SIDT1: variants seen among roughly 807,000 people sequenced by gnomAD.
The protein encoded by SIDT1 is SID1 transmembrane family, member 1.
SIDT1 carries 101 observed loss-of-function variants against 107.5 expected under a neutral mutation model. The observed-to-expected ratio is 0.94, with a 90% CI of 0.80 to 1.11. The LOEUF (loss-of-function observed/expected upper bound fraction) is 1.11. Among genes scored for constraint, SIDT1 ranks in the 50% least tolerant of loss-of-function variants. SIDT1 has a pLI of 0.00. For synonymous variants in SIDT1, 395 were observed against 398.2 expected (o/e 0.99, Z 0.10); for missense variants, 1,076 against 1,058.2 (o/e 1.02, Z -0.23).
At chr3:113,588,393 A>C (rs1250658117) in intron 9 of SIDT1, among the ~76,000 whole-genome samples, 1 of 152,248 alleles carries the variant, frequency 6.6e-6, no homozygotes, top group Non-Finnish European at 1.5e-5. Flanking sequence ...AGTTTTCTGT[A>C]AAAACCATAT....
chr3:113,622,438 T>C (rs1288713694), intron 21 of SIDT1, among the ~76,000 whole-genome samples: 1 of 119,654 alleles, frequency 8.4e-6, no homozygotes, highest in East Asian at 2.5e-4. Flanking sequence ...CACTCCAGCC[T>C]GGGCAACACA....
chr3:113,553,762 G>C (rs1356545348), intron 1 of SIDT1, among the ~76,000 whole-genome samples: 1 of 152,140 alleles, frequency 6.6e-6, no homozygotes, highest in Non-Finnish European at 1.5e-5. Context: ...AGAAACCAAT[G>C]AAGCCAGGCG....
chr3:113,636,529 A>G, the SIDT1 span, among the ~76,000 whole-genome samples: 2 of 152,242 alleles, frequency 1.3e-5, no homozygotes, highest in African/African-American at 4.8e-5. Context: ...CAAACCAGTA[A>G]GTTCTACACA....
intron 3 of SIDT1, 37 bp downstream of exon 3, chr3:113,567,747 C>T: frequency 6.3e-7 from 1 of 1,599,398 alleles, no homozygotes; most frequent in Non-Finnish European, 8.5e-7. Context: ...GTCTGTGTTT[C>T]CTGTGCTTGT....
At chr3:113,553,481 T>G (rs1340759714) in intron 1 of SIDT1, among the ~76,000 whole-genome samples, 2 of 152,138 alleles carry the variant, frequency 1.3e-5, no homozygotes, top group African/African-American at 4.8e-5. Flanking sequence ...TTGCCTGCAA[T>G]GTATAGAAAT....
chr3:113,567,971 T>C (rs911245484), intron 3 of SIDT1: 2 of 364,092 alleles, frequency 5.5e-6, no homozygotes, highest in African/African-American at 4.2e-5. Context: ...CTGTCCAGCC[T>C]GAAGTATAGG....
rs767228919 is a variant in SIDT1, at chr3:113,576,941, T to C, written c.535T>C (p.Phe179Leu). Reference sequence around the variant, plus strand: ...TCTCAGGACAAATGTTGCCTTTCACTTTACTGCCAGCCCCTCTCAACCTCA... The same window carrying C: ...TCTCAGGACAAATGTTGCCTTTCACCTTACTGCCAGCCCCTCTCAACCTCA... Reference protein sequence around the residue: ...FQLRTNVAFHFTASPSQPQYF... With the variant: ...FQLRTNVAFHLTASPSQPQYF... Residue 179 changes from phenylalanine to leucine, a missense_variant, in exon 4 of 25, where the codon TTT (phenylalanine) becomes CTT (leucine). Phe to Leu is a conservative substitution (Grantham distance 22). Transcript: ENST00000264852. 1.2e-6 allele frequency: 2 copies of C among 1,614,104 alleles called. No individual in the cohort carries two copies. Among genetic ancestry groups the C allele is most frequent in the South Asian group, 2.2e-5 (2 of 91,090 alleles).
intron 1 of SIDT1, among the ~76,000 whole-genome samples, chr3:113,548,261 G>A (rs1382762579): frequency 6.6e-6 from 1 of 151,770 alleles, no homozygotes; most frequent in Non-Finnish European, 1.5e-5. Flanking sequence ...TTTACATTGG[G>A]GTTCACTCTT....
In SIDT1 at chr3:113,532,913, C is replaced by A; in HGVS notation, c.-109C>A. 1.4e-6 allele frequency: 1 copy of A among 732,130 alleles called. No individual in the cohort carries two copies. Among genetic ancestry groups the A allele is most frequent in the Non-Finnish European group, 1.9e-6 (1 of 517,076 alleles). 45.4% of individuals were successfully genotyped at this position (732,130 alleles called of 1,614,324 possible). A position where few individuals can be genotyped will look rare whatever the true frequency, so the allele number is the denominator to read the frequency against. On this transcript the variant is annotated 5_prime_UTR_variant, in exon 1 of 25. Transcript: ENST00000264852. ...CTGGGTTCGCCAGGCATCACCCGCT[C>A]GGCTCTGAAGCGGACGCCTGGCCCT...
At chr3:113,631,929 G>C (rs1341610423), downstream of SIDT1, among the ~76,000 whole-genome samples, 1 of 152,176 alleles carries the variant, frequency 6.6e-6, no homozygotes, top group African/African-American at 2.4e-5. Flanking sequence ...TCTAGATTAA[G>C]AGATTTTATC....
intron 19 of SIDT1, among the ~76,000 whole-genome samples, chr3:113,614,580 C>T (rs1169014512): frequency 6.6e-6 from 1 of 152,186 alleles, no homozygotes; most frequent in Non-Finnish European, 1.5e-5. Context: ...TCATAAGTTG[C>T]CTTTGCTTTC....
chr3:113,565,783 G>T (rs1484991861), intron 1 of SIDT1, among the ~76,000 whole-genome samples: 1 of 152,174 alleles, frequency 6.6e-6, no homozygotes, highest in Admixed American at 6.5e-5. Flanking sequence ...ATGATTTATT[G>T]TTGGTGGGAA....
intron 9 of SIDT1, 32 bp downstream of exon 9, chr3:113,585,302 C>A: frequency 6.8e-7 from 1 of 1,474,922 alleles, no homozygotes; most frequent in Non-Finnish European, 9.5e-7. Context: ...ATGTTAATTC[C>A]CTGTGCCTGT....
intron 10 of SIDT1, among the ~76,000 whole-genome samples, chr3:113,595,992 A>T (rs1312077443): frequency 6.6e-6 from 1 of 152,240 alleles, no homozygotes; most frequent in Non-Finnish European, 1.5e-5. Context: ...AGTGACAGAC[A>T]TTCAGGGAAG....
chr3:113,595,991 C>A (rs1202632959), intron 10 of SIDT1, among the ~76,000 whole-genome samples: 2 of 152,226 alleles, frequency 1.3e-5, no homozygotes, highest in Non-Finnish European at 2.9e-5. Flanking sequence ...TAGTGACAGA[C>A]ATTCAGGGAA....
At chr3:113,573,436 C>T (rs144581594) in intron 3 of SIDT1, among the ~76,000 whole-genome samples, 3 of 152,276 alleles carry the variant, frequency 2.0e-5, no homozygotes, top group Non-Finnish European at 2.9e-5. Context: ...GTAACATTCT[C>T]ATTTAAGGGA....
At chr3:113,598,124 A>T (rs1450784695) in intron 10 of SIDT1, among the ~76,000 whole-genome samples, 1 of 152,252 alleles carries the variant, frequency 6.6e-6, no homozygotes, top group Non-Finnish European at 1.5e-5. Flanking sequence ...TGGTGCTCTT[A>T]TCTGTCACAG....
At chr3:113,634,630 T>C in the SIDT1 span, among the ~76,000 whole-genome samples, 1 of 151,512 alleles carries the variant, frequency 6.6e-6, no homozygotes, top group African/African-American at 2.4e-5. Context: ...ACCTTGTCTT[T>C]ACCAAAAATA....
At chr3:113,597,980 G>T (rs1005335852) in intron 10 of SIDT1, among the ~76,000 whole-genome samples, 1 of 152,156 alleles carries the variant, frequency 6.6e-6, no homozygotes, top group Non-Finnish European at 1.5e-5. Context: ...TTCTTAAAAG[G>T]CTTTAGACAT....
Sources: gnomAD v4.1 joint callset for allele counts (sites outside exome capture counted in the v4.1 genomes callset) on GRCh38, gnomAD v4.1.1 for gene constraint, MANE v1.5 for transcripts, NCBI Gene and HGNC (gene_info 2026-07-23, HGNC 2026-07-21) for gene names.